The following ROBO1 variants were observed in gnomAD, a reference collection of about 807,000 sequenced individuals.
ROBO1 encodes roundabout guidance receptor 1.
In ROBO1, 149 loss-of-function variants were observed where a neutral mutation model predicts 195.9. The ratio of observed to expected loss-of-function variants is 0.76; its 90% CI spans 0.67 to 0.87. The LOEUF (loss-of-function observed/expected upper bound fraction) is 0.87. Among genes scored for constraint, ROBO1 ranks in the 40% least tolerant of loss-of-function variants. ROBO1 has a pLI of 0.00. For missense variants in ROBO1, 1,933 were observed against 2,068.3 expected (o/e 0.93, Z 1.27); for synonymous variants, 816 against 733.2 (o/e 1.11, Z -1.82).
chr3:79,319,310 TATTG>T (rs1304350201), intron 2 of ROBO1, among the ~76,000 whole-genome samples: 3 of 152,310 alleles, frequency 2.0e-5, no homozygotes, highest in Middle Eastern at 3.4e-3. Context: ...TCCCTGATAA[TATTG>T]ATTAACATAT....
chr3:78,720,622 C>T (rs937652754), intron 5 of ROBO1, among the ~76,000 whole-genome samples: 3 of 152,182 alleles, frequency 2.0e-5, no homozygotes, highest in African/African-American at 7.2e-5. Flanking sequence ...ATAAATCATG[C>T]TGCCATAAAG....
chr3:79,434,720 C>A (rs1418127443), intron 2 of ROBO1, among the ~76,000 whole-genome samples: 3 of 152,092 alleles, frequency 2.0e-5, no homozygotes, highest in Non-Finnish European at 2.9e-5. Flanking sequence ...TGGGTATATA[C>A]CCAAAGGATT....
intron 3 of ROBO1, among the ~76,000 whole-genome samples, chr3:79,096,745 T>C (rs2079576470): frequency 6.6e-6 from 1 of 150,822 alleles, no homozygotes; most frequent in South Asian, 2.1e-4. Context: ...TATGTGTGTG[T>C]GTGTATGTAT....
chr3:78,849,831 T>TACAC (rs576994363), intron 4 of ROBO1, among the ~76,000 whole-genome samples: 5,557 of 79,480 alleles, frequency 0.07, 148 homozygotes, highest in Middle Eastern at 0.11. Context: ...TCTCTCCCAT[T>TACAC]ACACACACAC....
chr3:79,621,755 C>G (rs1026379317), intron 1 of ROBO1, among the ~76,000 whole-genome samples: 1 of 152,074 alleles, frequency 6.6e-6, no homozygotes, highest in African/African-American at 2.4e-5. Context: ...ATAAGATATG[C>G]TCAAAGGCAT....
chr3:79,528,715 T>C (rs915044878), intron 2 of ROBO1, among the ~76,000 whole-genome samples: 1 of 152,182 alleles, frequency 6.6e-6, no homozygotes, highest in African/African-American at 2.4e-5. Context: ...ATGATTCTCA[T>C]TCATAACCAT....
intron 3 of ROBO1, among the ~76,000 whole-genome samples, chr3:79,008,113 T>A: frequency 6.6e-6 from 1 of 152,166 alleles, no homozygotes. Flanking sequence ...AGGAAGAGTT[T>A]CCTGACTAAG....
intron 4 of ROBO1, among the ~76,000 whole-genome samples, chr3:78,771,823 T>C (rs375303405): frequency 7.9e-5 from 12 of 152,138 alleles, no homozygotes; most frequent in African/African-American, 2.7e-4. Context: ...TGAAATCATA[T>C]CATCCGTGAA....
At chr3:79,244,719 C>A (rs1488007969) in intron 2 of ROBO1, among the ~76,000 whole-genome samples, 2 of 151,998 alleles carry the variant, frequency 1.3e-5, no homozygotes, top group African/African-American at 4.8e-5. Context: ...ATCCAAGCAA[C>A]ATTAAGCTTG....
At chr3:79,647,073 G>A (rs1560067372) in intron 1 of ROBO1, among the ~76,000 whole-genome samples, 1 of 151,948 alleles carries the variant, frequency 6.6e-6, no homozygotes, top group Non-Finnish European at 1.5e-5. Flanking sequence ...AATGTTTCTA[G>A]CATAACAAAA....
intron 2 of ROBO1, among the ~76,000 whole-genome samples, chr3:79,166,257 T>G (rs2081061120): frequency 6.6e-6 from 1 of 152,158 alleles, no homozygotes; most frequent in Non-Finnish European, 1.5e-5. Flanking sequence ...AATTCACTTC[T>G]GTTAGAAAAA....
chr3:78,619,966 C>G (rs1265847186), intron 26 of ROBO1, among the ~76,000 whole-genome samples: 1 of 144,728 alleles, frequency 6.9e-6, no homozygotes. Flanking sequence ...TGCAGTGAGC[C>G]AAGATCAAAC....
chr3:79,296,665 C>CA (rs1161541325), intron 2 of ROBO1, among the ~76,000 whole-genome samples: 3 of 152,072 alleles, frequency 2.0e-5, no homozygotes, highest in Non-Finnish European at 2.9e-5. Flanking sequence ...AGTTTCAGGC[C>CA]AAATTTCAAC....
chr3:79,172,386 T>G (rs1021502881), intron 2 of ROBO1, among the ~76,000 whole-genome samples: 2 of 152,302 alleles, frequency 1.3e-5, no homozygotes, highest in African/African-American at 4.8e-5. Flanking sequence ...ATTAACTAAA[T>G]CTCTAAAAAT....
chr3:78,868,051 A>C (rs1321653303), intron 4 of ROBO1, among the ~76,000 whole-genome samples: 1 of 152,148 alleles, frequency 6.6e-6, no homozygotes, highest in East Asian at 1.9e-4. Flanking sequence ...AGTACAAAGA[A>C]AGATTATTCT....
intron 3 of ROBO1, chr3:79,018,810 C>A (rs1287252087): frequency 9.6e-7 from 1 of 1,045,096 alleles, no homozygotes; most frequent in Non-Finnish European, 1.2e-6. Flanking sequence ...TCCCGGCGTG[C>A]GCCCCCACAA....
intron 2 of ROBO1, among the ~76,000 whole-genome samples, chr3:79,505,811 G>A (rs769335360): frequency 2.6e-5 from 4 of 152,186 alleles, no homozygotes; most frequent in Non-Finnish European, 5.9e-5. Context: ...GAGCAGTGAA[G>A]TTATTACAGT....
intron 1 of ROBO1, among the ~76,000 whole-genome samples, chr3:79,663,635 G>T (rs1560080407): frequency 6.6e-6 from 1 of 151,936 alleles, no homozygotes; most frequent in Non-Finnish European, 1.5e-5. Context: ...GGTGCATGTT[G>T]CCATGCCTGG....
chr3:78,920,446 A>G (rs998535139), intron 4 of ROBO1, among the ~76,000 whole-genome samples: 1 of 151,738 alleles, frequency 6.6e-6, no homozygotes, highest in African/African-American at 2.4e-5. Context: ...CTAGGATTAC[A>G]GGCAGGTGCC....
Sources: allele counts gnomAD v4.1 joint callset (sites outside exome capture counted in the v4.1 genomes callset), GRCh38; gene constraint gnomAD v4.1.1; transcripts MANE v1.5; gene names NCBI Gene and HGNC (gene_info 2026-07-23, HGNC 2026-07-21).